SYT16: variants seen among roughly 807,000 people sequenced by gnomAD.
SYT16 encodes synaptotagmin-16.
Under a neutral mutation model 61.4 loss-of-function variants are expected in SYT16, and 42 were observed. The observed-to-expected ratio is 0.68, with a 90% CI of 0.53 to 0.89. The LOEUF (loss-of-function observed/expected upper bound fraction) is 0.89, where lower values mean the gene tolerates loss of function less well. SYT16 is among the 40% of genes least tolerant of loss of function. The pLI, the probability that SYT16 is intolerant of heterozygous loss-of-function variation, is 0.00. For synonymous variants in SYT16, 314 were observed against 302.3 expected (o/e 1.04, Z -0.40); for missense variants, 804 against 807.3 (o/e 1.00, Z 0.05).
At chr14:61,879,460 G>T (rs763277750) in intron 1 of SYT16, among the ~76,000 whole-genome samples, 8 of 152,084 alleles carry the variant, frequency 5.3e-5, no homozygotes, top group Non-Finnish European at 1.2e-4. Flanking sequence ...CACCTCTCTG[G>T]ACTGAAGCTC....
intron 3 of SYT16, among the ~76,000 whole-genome samples, chr14:62,005,844 G>A (rs921823787): frequency 3.9e-5 from 6 of 152,146 alleles, no homozygotes; most frequent in Non-Finnish European, 7.3e-5. Flanking sequence ...TATATCACTT[G>A]TTTATTTGTT....
At chr14:61,984,175 A>G (rs1346356389) in intron 2 of SYT16, among the ~76,000 whole-genome samples, 3 of 152,168 alleles carry the variant, frequency 2.0e-5, no homozygotes, top group Non-Finnish European at 4.4e-5. Context: ...TTCTGCCCCT[A>G]AACAATTAAT....
chr14:62,027,529 TATC>T (rs2054148675), intron 3 of SYT16, among the ~76,000 whole-genome samples: 1 of 152,242 alleles, frequency 6.6e-6, no homozygotes, highest in African/African-American at 2.4e-5. Flanking sequence ...AAATGTTTAC[TATC>T]ATCCTTCTCT....
chr14:61,919,277 G>T (rs965156154), intron 1 of SYT16, among the ~76,000 whole-genome samples: 5 of 152,168 alleles, frequency 3.3e-5, no homozygotes, highest in African/African-American at 1.2e-4. Flanking sequence ...CAGCCTCCTA[G>T]TTGGGTTTTC....
chr14:61,989,860 A>G (rs1254538133), intron 2 of SYT16, among the ~76,000 whole-genome samples: 8 of 152,128 alleles, frequency 5.3e-5, no homozygotes, highest in Non-Finnish European at 1.2e-4. Context: ...TTCACATTTC[A>G]TTTTATATTA....
intron 3 of SYT16, among the ~76,000 whole-genome samples, chr14:62,054,613 T>TG (rs79328551): frequency 0.071 from 10,834 of 152,112 alleles, 472 homozygotes; most frequent in East Asian, 0.12. Context: ...GTGCCTGCCT[T>TG]GGCCTCCCAA....
intron 3 of SYT16, among the ~76,000 whole-genome samples, chr14:62,017,905 A>G (rs1289362989): frequency 6.6e-6 from 1 of 152,082 alleles, no homozygotes; most frequent in Non-Finnish European, 1.5e-5. Context: ...TTGTAGAGAC[A>G]GTGTCTCACT....
rs1165099592 is a variant in SYT16, at chr14:62,011,920, C to CATATATATATATATATATATATAT, written c.523+15379_523+15380insTATATATATATATATATATATATA. Among the ~76,000 whole-genome samples the CATATATATATATATATATATATAT allele has an allele frequency of 8.2e-4, 86 of 104,574 alleles. 4 individuals carry two copies. The highest frequency in any genetic ancestry group is 3.4e-3 in the African/African-American group (81 of 23,556). 68.6% of individuals were successfully genotyped at this position (104,574 alleles called of 152,430 possible). The stretch of plus-strand genomic sequence containing the variant: ...ACACACACACATATATATACACACA[C>CATATATATATATATATATATATAT]ACACACATATATATATATATATTTG... On this transcript the variant is annotated intron_variant, in intron 3 of 7. Coordinates refer to ENST00000683842, the MANE Select transcript of SYT16 (RefSeq NM_001367656.1).
chr14:61,871,958 A>T (rs1345180670), intron 1 of SYT16, among the ~76,000 whole-genome samples: 2 of 152,088 alleles, frequency 1.3e-5, no homozygotes, highest in Non-Finnish European at 2.9e-5. Flanking sequence ...TGGGAATATT[A>T]TCTTCTTTAA....
At chr14:62,041,341 G>T (rs1595234715) in intron 3 of SYT16, among the ~76,000 whole-genome samples, 1 of 152,094 alleles carries the variant, frequency 6.6e-6, no homozygotes, top group East Asian at 1.9e-4. Context: ...CCCATAGTTT[G>T]CATTAGTGTT....
At chr14:62,061,743 G>A (rs1331375933) in intron 3 of SYT16, among the ~76,000 whole-genome samples, 1 of 151,970 alleles carries the variant, frequency 6.6e-6, no homozygotes. Context: ...CAAAATACAT[G>A]GAGGAAGACG....
chr14:62,063,529 C>A (rs2055920216), intron 3 of SYT16, among the ~76,000 whole-genome samples: 1 of 152,090 alleles, frequency 6.6e-6, no homozygotes, highest in African/African-American at 2.4e-5. Context: ...CCCAGACTCG[C>A]AAATATAATA....
At chr14:61,980,689 C>G (rs2052030795) in intron 2 of SYT16, among the ~76,000 whole-genome samples, 2 of 152,058 alleles carry the variant, frequency 1.3e-5, no homozygotes, top group African/African-American at 4.8e-5. Flanking sequence ...TCCCTACTCT[C>G]TTAGAAATTA....
At chr14:62,081,953 A>T (rs979953265) in intron 6 of SYT16, among the ~76,000 whole-genome samples, 2 of 152,178 alleles carry the variant, frequency 1.3e-5, no homozygotes, top group Non-Finnish European at 2.9e-5. Flanking sequence ...GTATAGGCAA[A>T]GTGGATGCAG....
At chr14:62,022,372 T>C (rs1229264257) in intron 3 of SYT16, among the ~76,000 whole-genome samples, 2 of 152,200 alleles carry the variant, frequency 1.3e-5, no homozygotes, top group Non-Finnish European at 2.9e-5. Flanking sequence ...TTGAAATTTT[T>C]TGTTGAATAT....
chr14:61,928,978 T>A (rs189851422), intron 1 of SYT16, among the ~76,000 whole-genome samples: 1 of 152,356 alleles, frequency 6.6e-6, no homozygotes, highest in East Asian at 1.9e-4. Flanking sequence ...GAAAATTCAC[T>A]TTGTACCATG....
chr14:61,913,704 T>TTGTGTGTGTGTGTGTG (rs56758661), intron 1 of SYT16, among the ~76,000 whole-genome samples: 28,029 of 145,602 alleles, frequency 0.19, 2,999 homozygotes, highest in Non-Finnish European at 0.23. Context: ...CTTTGGGTCT[T>TTGTGTGTGTGTGTGTG]TGTGTGTGTG....
intron 1 of SYT16, among the ~76,000 whole-genome samples, chr14:61,858,120 C>CAAAAA (rs34781118): frequency 3.6e-3 from 154 of 42,842 alleles, no homozygotes; most frequent in African/African-American, 5.6e-3. Context: ...CACAGCTTGG[C>CAAAAA]AAAAAAAAAA....
intron 2 of SYT16, among the ~76,000 whole-genome samples, 160 bp downstream of exon 2, chr14:61,970,471 A>G (rs2051498701): frequency 6.6e-6 from 1 of 152,108 alleles, no homozygotes; most frequent in Non-Finnish European, 1.5e-5. Flanking sequence ...TCTGACTACC[A>G]CTTCCCATCT....
Sources: allele counts gnomAD v4.1 joint callset (sites outside exome capture counted in the v4.1 genomes callset), GRCh38; gene constraint gnomAD v4.1.1; transcripts MANE v1.5; gene names NCBI Gene and HGNC (gene_info 2026-07-23, HGNC 2026-07-21).